The following OR2G6 variants were observed in gnomAD, a reference collection of about 807,000 sequenced individuals.
OR2G6 encodes olfactory receptor 2G6.
For missense variants in OR2G6, 457 were observed against 391.3 expected (o/e 1.17, Z -1.42); for synonymous variants, 183 against 155.2 (o/e 1.18, Z -1.33).
intron 1 of OR2G6, 138 bp from the exon 2 acceptor site, chr1:248,521,473 G>A (rs1397855751): frequency 1.9e-6 from 1 of 529,746 alleles, no homozygotes; most frequent in Non-Finnish European, 3.3e-6. Context: ...CCCGCCCATG[G>A]ATTTATGTTG....
chr1:248,521,610 G>A lies in OR2G6; in HGVS notation c.-36-1G>A. The stretch of plus-strand genomic sequence containing the variant: ...TCTATCCCCAAATATTAATCACTTA[G>A]TATTTGAAGCTGAAGAGTCCTGAAG... On this transcript the variant is annotated splice_acceptor_variant, in intron 1 of 1. Coordinates refer to ENST00000641804, the MANE Select transcript of OR2G6 (RefSeq NM_001013355.2). LOFTEE classifies it low-confidence loss of function (5UTR_SPLICE). The A allele has an allele frequency of 7.2e-7, 1 of 1,380,556 alleles. No homozygotes were observed. Among genetic ancestry groups the A allele is most frequent in the Non-Finnish European group, 1.0e-6 (1 of 983,714 alleles). The allele number at this position is 1,380,556 out of a possible 1,614,324, so 85.5% of individuals were successfully genotyped here. A position where few individuals can be genotyped will look rare whatever the true frequency, so the allele number is the denominator to read the frequency against.
Position 248,525,900 on chromosome 1 carries a change from C to G in OR2G6, c.*3303C>G, listed in dbSNP as rs967225235. ...AGGCACAGTGGTGCATGCCTATAAT[C>G]CCAGTTACTCAGGAGGCTGAGGCAG... is the stretch of plus-strand genomic sequence containing the variant. On this transcript the variant is annotated 3_prime_UTR_variant, in exon 2 of 2. Coordinates refer to ENST00000641804, the MANE Select transcript of OR2G6 (RefSeq NM_001013355.2). 3.4e-5 allele frequency: 5 copies of G among 147,468 alleles called. No individual in the cohort carries two copies. Among genetic ancestry groups the G allele is most frequent in the African/African-American group, 1.4e-4 (5 of 37,020 alleles). 9.1% of individuals were successfully genotyped at this position (147,468 alleles called of 1,614,324 possible). A position where few individuals can be genotyped will look rare whatever the true frequency, so the allele number is the denominator to read the frequency against.
rs1320358037 is a variant in OR2G6 at position 248,509,255 on chromosome 1, G to T, written c.-37+826G>T. Among the ~76,000 whole-genome samples, 15 of 7,116 alleles carry T rather than the reference G, an allele frequency of 2.1e-3. 1 individual carries two copies. The highest frequency in any genetic ancestry group is 0.016 in the African/African-American group (15 of 942). The allele number at this position is 7,116 out of a possible 152,430, so 4.7% of individuals were successfully genotyped here. On this transcript the variant is annotated intron_variant, in intron 1 of 1. Transcript: ENST00000641804. ...ACACGGCACAAGACCTATAGAACAC[G>T]CAGGGAAAACTTCTTCTGGCATCAG...
intron 1 of OR2G6, among the ~76,000 whole-genome samples, chr1:248,520,625 C>A (rs1197141970): frequency 2.6e-5 from 4 of 152,070 alleles, no homozygotes. Context: ...GTAACCCCAG[C>A]ACTTTGGGAG....
rs747715594 is a variant in OR2G6 at position 248,525,262 on chromosome 1, A to T, written c.*2665A>T. On this transcript the variant is annotated 3_prime_UTR_variant, in exon 2 of 2. Coordinates refer to ENST00000641804, the MANE Select transcript of OR2G6 (RefSeq NM_001013355.2). ...ATTAGTAAATCTAAAACAGGTACACATCAGTCAATTTGCACACATTACTAG... is the reference window on the plus strand; with the variant it reads ...ATTAGTAAATCTAAAACAGGTACACTTCAGTCAATTTGCACACATTACTAG... 1.3e-5 allele frequency: 2 copies of T among 152,190 alleles called. No homozygotes were observed. Among genetic ancestry groups the T allele is most frequent in the Non-Finnish European group, 2.9e-5 (2 of 68,040 alleles). 9.4% of individuals were successfully genotyped at this position (152,190 alleles called of 1,614,324 possible). A position where few individuals can be genotyped will look rare whatever the true frequency, so the allele number is the denominator to read the frequency against.
chr1:248,524,162 A>T lies in OR2G6; in HGVS notation c.*1565A>T, dbSNP rs951829302. 3.3e-5 allele frequency: 5 copies of T among 152,264 alleles called. No homozygotes were observed. The highest frequency in any genetic ancestry group is 1.2e-4 in the African/African-American group (5 of 41,458). 9.4% of individuals were successfully genotyped at this position (152,264 alleles called of 1,614,324 possible). A position where few individuals can be genotyped will look rare whatever the true frequency, so the allele number is the denominator to read the frequency against. ...ACCTGCCTCTCCTACCAAAGCCTGGACTGAAGGCAAAATGGCTGCGCACAC... is the reference window on the plus strand; with the variant it reads ...ACCTGCCTCTCCTACCAAAGCCTGGTCTGAAGGCAAAATGGCTGCGCACAC... On this transcript the variant is annotated 3_prime_UTR_variant, in exon 2 of 2. Coordinates refer to ENST00000641804, the MANE Select transcript of OR2G6 (RefSeq NM_001013355.2).
Position 248,522,182 on chromosome 1 carries a change from G to A in OR2G6, c.536G>A (p.Cys179Tyr). ...CATCGCACACTGGATCATATTTTCT[G>A]TGAGGTGCCAGTGCTCATCAAACTG... is the stretch of plus-strand genomic sequence containing the variant. ...CGHRTLDHIFCEVPVLIKLAC... is the reference protein window; with the variant it reads ...CGHRTLDHIFYEVPVLIKLAC... Residue 179 changes from cysteine to tyrosine, a missense_variant, in exon 2 of 2, where the codon TGT (cysteine) becomes TAT (tyrosine). Transcript: ENST00000641804. 4 of 1,614,138 alleles carry A rather than the reference G, an allele frequency of 2.5e-6. No individual in the cohort carries two copies. The highest frequency in any genetic ancestry group is 2.5e-6 in the Non-Finnish European group (3 of 1,180,030).
At position 248,521,605 on chromosome 1, in the gene OR2G6, A is replaced by T; in HGVS notation, c.-36-6A>T. ...TACTTTCTATCCCCAAATATTAATC[A>T]CTTAGTATTTGAAGCTGAAGAGTCC... On this transcript the variant is annotated splice_polypyrimidine_tract_variant and splice_region_variant and intron_variant, in intron 1 of 1. Transcript: ENST00000641804. 1 of 1,332,244 alleles carries T rather than the reference A, an allele frequency of 7.5e-7. No individual in the cohort carries two copies. The highest frequency in any genetic ancestry group is 1.1e-6 in the Non-Finnish European group (1 of 944,546). The allele number at this position is 1,332,244 out of a possible 1,614,324, so 82.5% of individuals were successfully genotyped here.
At position 248,523,834 on chromosome 1, in the gene OR2G6, A is replaced by C. The variant is rs1388755966; in HGVS notation, c.*1237A>C. 6.6e-6 allele frequency: 1 copy of C among 152,204 alleles called. No homozygotes were observed. Among genetic ancestry groups the C allele is most frequent in the African/African-American group, 2.4e-5 (1 of 41,456 alleles). The allele number at this position is 152,204 out of a possible 1,614,324, so 9.4% of individuals were successfully genotyped here. A position where few individuals can be genotyped will look rare whatever the true frequency, so the allele number is the denominator to read the frequency against. ...TAATCTGTGGTTGTAATTTTACTTC[A>C]TATTCTCATTATGATACACATGAAA... On this transcript the variant is annotated 3_prime_UTR_variant, in exon 2 of 2. Coordinates refer to ENST00000641804, the MANE Select transcript of OR2G6 (RefSeq NM_001013355.2).
At position 248,522,077 on chromosome 1, in the gene OR2G6, T is replaced by C. The variant is rs1664301918; in HGVS notation, c.431T>C (p.Leu144Pro). 2 of 1,614,056 alleles carry C rather than the reference T, an allele frequency of 1.2e-6. No homozygotes were observed. Among genetic ancestry groups the C allele is most frequent in the African/African-American group, 1.3e-5 (1 of 74,930 alleles). ...AIMHPRFCAS[L>P]AGGAWLSGLI... ...ATGCACCCCAGGTTCTGTGCGTCTC[T>C]GGCCGGTGGAGCATGGCTCAGCGGC... Residue 144 changes from leucine to proline, a missense_variant, in exon 2 of 2, where the codon CTG (leucine) becomes CCG (proline). Leu to Pro is a moderately conservative substitution (Grantham distance 98). Coordinates refer to ENST00000641804, the MANE Select transcript of OR2G6 (RefSeq NM_001013355.2).
chr1:248,525,095 TAA>T lies in OR2G6; in HGVS notation c.*2503_*2504del, dbSNP rs1205806830. Reference sequence around the variant, plus strand: ...AATGTGAGCATTTTTCTGATTAATCTAAAAAATATCCACCATTTATTAAAAAT... The same window carrying T: ...AATGTGAGCATTTTTCTGATTAATCTAAAATATCCACCATTTATTAAAAAT... On this transcript the variant is annotated 3_prime_UTR_variant, in exon 2 of 2. Transcript: ENST00000641804. The T allele has an allele frequency of 6.6e-6, 1 of 151,768 alleles. No homozygotes were observed. Among genetic ancestry groups the T allele is most frequent in the Non-Finnish European group, 1.5e-5 (1 of 68,012 alleles). The allele number at this position is 151,768 out of a possible 1,614,324, so 9.4% of individuals were successfully genotyped here.
intron 1 of OR2G6, among the ~76,000 whole-genome samples, chr1:248,520,419 TAAA>T (rs897483098): frequency 6.6e-6 from 1 of 152,080 alleles, no homozygotes; most frequent in African/African-American, 2.4e-5. Flanking sequence ...ACTTATAGTT[TAAA>T]AAAAAGTTTG....
rs746054042 is a variant in OR2G6 at position 248,523,757 on chromosome 1, C to T, written c.*1160C>T. The T allele has an allele frequency of 2.6e-5, 4 of 152,234 alleles. No homozygotes were observed. The highest frequency in any genetic ancestry group is 2.1e-4 in the South Asian group (1 of 4,820). 9.4% of individuals were successfully genotyped at this position (152,234 alleles called of 1,614,324 possible). On this transcript the variant is annotated 3_prime_UTR_variant, in exon 2 of 2. Coordinates refer to ENST00000641804, the MANE Select transcript of OR2G6 (RefSeq NM_001013355.2). The stretch of plus-strand genomic sequence containing the variant: ...CCAAAACGATTGAACTTCATCAATT[C>T]GTCAACCTCAAGTATTTTAAGAGAA...
In OR2G6 at chr1:248,522,555, C is replaced by A. The variant is rs2103062164; in HGVS notation, c.909C>A (p.Thr303=). Residue 303 remains threonine (T), a synonymous_variant, in exon 2 of 2, where the codon ACC becomes ACA. Coordinates refer to ENST00000641804, the MANE Select transcript of OR2G6 (RefSeq NM_001013355.2). The stretch of plus-strand genomic sequence containing the variant: ...AAGATGTGAAAGGGGCCTTGAGGAC[C>A]CTGATACTGGGTAGTGCTGCTGGAC... ...RNKDVKGALR[T]LILGSAAGQS... is the part of the protein sequence containing the mutation. 6.2e-7 allele frequency: 1 copy of A among 1,613,718 alleles called. No homozygotes were observed. The highest frequency in any genetic ancestry group is 1.7e-5 in the Admixed American group (1 of 60,006).
rs1455661313 is a variant in OR2G6 at position 248,527,159 on chromosome 1, A to G, written c.*4562A>G. The G allele has an allele frequency of 6.6e-6, 1 of 152,046 alleles. No individual in the cohort carries two copies. Among genetic ancestry groups the G allele is most frequent in the Non-Finnish European group, 1.5e-5 (1 of 68,020 alleles). The allele number at this position is 152,046 out of a possible 1,614,324, so 9.4% of individuals were successfully genotyped here. A position where few individuals can be genotyped will look rare whatever the true frequency, so the allele number is the denominator to read the frequency against. ...TTACGTCTTTAATCCATCTTGAATTAATTTTTGTATAAGGTGTAAGGAAGG... is the reference window on the plus strand; with the variant it reads ...TTACGTCTTTAATCCATCTTGAATTGATTTTTGTATAAGGTGTAAGGAAGG... On this transcript the variant is annotated 3_prime_UTR_variant, in exon 2 of 2. Coordinates refer to ENST00000641804, the MANE Select transcript of OR2G6 (RefSeq NM_001013355.2).
intron 1 of OR2G6, among the ~76,000 whole-genome samples, chr1:248,520,279 T>C (rs1165621371): frequency 2.0e-5 from 3 of 151,702 alleles, no homozygotes; most frequent in Non-Finnish European, 2.9e-5. Context: ...TGTTGGTGGG[T>C]TGGGGGGCTA....
intron 1 of OR2G6, 60 bp from the exon 2 acceptor site, chr1:248,521,551 C>G: frequency 1.2e-6 from 1 of 851,184 alleles, no homozygotes; most frequent in Middle Eastern, 2.4e-4. Flanking sequence ...ATACTGTAAA[C>G]GACTGTGGAT....
chr1:248,521,040 T>TAAAAAAAAAA (rs56891856), intron 1 of OR2G6, among the ~76,000 whole-genome samples: 37 of 83,884 alleles, frequency 4.4e-4, no homozygotes, highest in South Asian at 1.1e-3. Flanking sequence ...AGATTCCATC[T>TAAAAAAAAAA]AAAAAAAAAA....
In OR2G6 at chr1:248,523,661, TTC is replaced by T. The variant is rs371318522; in HGVS notation, c.*1066_*1067del. 31 of 105,796 alleles carry T rather than the reference TTC, an allele frequency of 2.9e-4. No individual in the cohort carries two copies. The highest frequency in any genetic ancestry group is 1.9e-3 in the South Asian group (6 of 3,172). 6.6% of individuals were successfully genotyped at this position (105,796 alleles called of 1,614,324 possible). On this transcript the variant is annotated 3_prime_UTR_variant, in exon 2 of 2. Transcript: ENST00000641804. ...TCTTATATTTGACCAAACTTTTACT[TTC>T]TGATTTAATTCTGTCTCTATCTCTC... is the stretch of plus-strand genomic sequence containing the variant.
Sources: allele counts gnomAD v4.1 joint callset (sites outside exome capture counted in the v4.1 genomes callset), GRCh38; gene constraint gnomAD v4.1.1; transcripts MANE v1.5; gene names NCBI Gene and HGNC (gene_info 2026-07-23, HGNC 2026-07-21).